The following PCDH11X variants were observed in gnomAD, a reference collection of about 807,000 sequenced individuals.
PCDH11X encodes protocadherin 11 X-linked.
PCDH11X carries 18 observed loss-of-function variants against 53.3 expected under a neutral mutation model. That is an observed-to-expected ratio of 0.34 (90% confidence interval 0.23 to 0.50). PCDH11X has a LOEUF of 0.50. Among genes scored for constraint, PCDH11X ranks in the 20% least tolerant of loss-of-function variants. The pLI is 0.98. For synonymous variants in PCDH11X, 279 were observed against 393.3 expected (o/e 0.71, Z 3.44); for missense variants, 570 against 1,032.4 (o/e 0.55, Z 6.14).
At position 92,130,650 on chromosome X, in the gene PCDH11X, CAAA is replaced by C. The variant is rs34011848; in HGVS notation, c.3034-70708_3034-70706del. On this transcript the variant is annotated intron_variant, in intron 6 of 10. Coordinates refer to ENST00000682573, the MANE Select transcript of PCDH11X (RefSeq NM_032968.5). ...GGGCAACAAGAGTGAAACTCTGTCT[CAAA>C]AAAAAAAAAAAAAAAATCTATTATT... 2.3e-3 allele frequency among the ~76,000 whole-genome samples: 143 copies of C among 63,062 alleles called. 1 individual carries two copies. The highest frequency in any genetic ancestry group is 5.4e-3 in the African/African-American group (107 of 19,812). 54.8% of individuals were successfully genotyped at this position (63,062 alleles called of 115,157 possible). A position where few individuals can be genotyped will look rare whatever the true frequency, so the allele number is the denominator to read the frequency against.
At chrX:92,466,696 T>G (rs372371820) in intron 9 of PCDH11X, among the ~76,000 whole-genome samples, 8 of 110,362 alleles carry the variant, frequency 7.2e-5, no homozygotes, top group East Asian at 2.8e-4. Context: ...AAAATGTGTT[T>G]GTTTTCTTTT....
intron 6 of PCDH11X, among the ~76,000 whole-genome samples, chrX:92,132,944 A>G (rs1330987786): frequency 9.1e-6 from 1 of 110,218 alleles, no homozygotes; most frequent in East Asian, 2.8e-4. Context: ...ATATTTAAAA[A>G]TGCCATCAAG....
At chrX:91,942,646 C>G (rs770362456) in intron 6 of PCDH11X, among the ~76,000 whole-genome samples, 3 of 110,939 alleles carry the variant, frequency 2.7e-5, no homozygotes, top group Admixed American at 1.9e-4. Flanking sequence ...AAATATAACA[C>G]TAATTCCATA....
chrX:92,122,104 T>C (rs1269589445), intron 6 of PCDH11X, among the ~76,000 whole-genome samples: 1 of 108,290 alleles, frequency 9.2e-6, no homozygotes, highest in Non-Finnish European at 1.9e-5. Context: ...TTCCTCAGCT[T>C]CCCGAGTAGC....
intron 6 of PCDH11X, among the ~76,000 whole-genome samples, chrX:92,006,670 A>T (rs989025986): frequency 5.4e-5 from 6 of 110,274 alleles, no homozygotes; most frequent in Non-Finnish European, 1.1e-4. Flanking sequence ...TGATGCTAGT[A>T]GATATTCTTC....
intron 7 of PCDH11X, among the ~76,000 whole-genome samples, chrX:92,236,509 T>C (rs2067174057): frequency 9.0e-6 from 1 of 111,497 alleles, no homozygotes; most frequent in Non-Finnish European, 1.9e-5. Context: ...TCTAAAATTT[T>C]ACCTTACTGC....
At chrX:91,887,003 AAAAT>A (rs1244177420) in intron 6 of PCDH11X, among the ~76,000 whole-genome samples, 1 of 105,175 alleles carries the variant, frequency 9.5e-6, no homozygotes, top group African/African-American at 3.5e-5. Context: ...AAAAGAAAAG[AAAAT>A]ATATATATAC....
At chrX:91,907,370 A>AACACACACACACAC (rs777259208) in intron 6 of PCDH11X, among the ~76,000 whole-genome samples, 6 of 36,148 alleles carry the variant, frequency 1.7e-4, no homozygotes, top group East Asian at 1.5e-3. Flanking sequence ...CACCACCCTC[A>AACACACACACACAC]ACACACACAC....
intron 6 of PCDH11X, among the ~76,000 whole-genome samples, chrX:91,962,035 A>C (rs2147889665): frequency 9.3e-6 from 1 of 107,001 alleles, no homozygotes; most frequent in African/African-American, 3.4e-5. Flanking sequence ...TGGGAGCTAC[A>C]GTTCAAGATG....
At chrX:92,581,114 G>A (rs1923638371) in intron 10 of PCDH11X, among the ~76,000 whole-genome samples, 1 of 111,680 alleles carries the variant, frequency 9.0e-6, no homozygotes, top group African/African-American at 3.3e-5. Flanking sequence ...TTTTGCAATT[G>A]ATAGAATAAA....
rs765686919 is a variant in PCDH11X, at chrX:91,916,091, T to G, written c.3033+36818T>G. On this transcript the variant is annotated intron_variant, in intron 6 of 10. Transcript: ENST00000682573. ...TAAATAATCTGCTCTTGAATTATCTTTGGGTCAACAATGAAATTTAAAAAT... is the reference window on the plus strand; with the variant it reads ...TAAATAATCTGCTCTTGAATTATCTGTGGGTCAACAATGAAATTTAAAAAT... 3.6e-5 allele frequency among the ~76,000 whole-genome samples: 4 copies of G among 110,942 alleles called. No homozygotes were observed. In the East Asian group the frequency reaches 8.5e-4, roughly 24 times the overall value.
intron 5 of PCDH11X, among the ~76,000 whole-genome samples, chrX:91,854,921 A>G (rs927706002): frequency 8.1e-5 from 9 of 111,375 alleles, no homozygotes; most frequent in Non-Finnish European, 1.7e-4. Context: ...GGTAGTTTGC[A>G]ATATTTTCTC....
At chrX:92,117,546 A>T (rs2064666269) in intron 6 of PCDH11X, among the ~76,000 whole-genome samples, 1 of 111,290 alleles carries the variant, frequency 9.0e-6, no homozygotes, top group African/African-American at 3.3e-5. Flanking sequence ...TTTGAGATTC[A>T]CTCTCTTATT....
At chrX:92,173,203 T>C (rs1219590631) in intron 6 of PCDH11X, among the ~76,000 whole-genome samples, 1 of 111,909 alleles carries the variant, frequency 8.9e-6, no homozygotes, top group Admixed American at 9.6e-5. Context: ...AGTTTGATTT[T>C]AGATGACATG....
At chrX:91,919,203 G>T (rs1429620169) in intron 6 of PCDH11X, among the ~76,000 whole-genome samples, 1 of 111,094 alleles carries the variant, frequency 9.0e-6, no homozygotes, top group Non-Finnish European at 1.9e-5. Flanking sequence ...TATAAATAAT[G>T]AGCTGTTCTC....
chrX:92,558,197 T>C (rs1426427148), intron 10 of PCDH11X, among the ~76,000 whole-genome samples: 1 of 109,694 alleles, frequency 9.1e-6, no homozygotes, highest in African/African-American at 3.3e-5. Context: ...GACTCAGTAT[T>C]TGAATATGCA....
chrX:92,464,034 A>G (rs1354346213), intron 9 of PCDH11X, among the ~76,000 whole-genome samples: 1 of 112,071 alleles, frequency 8.9e-6, no homozygotes, highest in Non-Finnish European at 1.9e-5. Flanking sequence ...TAAAGGCAAC[A>G]TTATGACTTT....
Position 92,263,097 on chromosome X carries a change from A to G in PCDH11X, c.3115-17A>G. 8.5e-7 allele frequency: 1 copy of G among 1,181,115 alleles called. No individual in the cohort carries two copies. The highest frequency in any genetic ancestry group is 1.1e-6 in the Non-Finnish European group (1 of 877,660). On this transcript the variant is annotated splice_polypyrimidine_tract_variant and intron_variant, in intron 7 of 10. Transcript: ENST00000682573. The stretch of plus-strand genomic sequence containing the variant: ...ATTTTCCTTTGCTTCCCTTGCCTCC[A>G]TTTTATCCTAAATCAGCGGAAATCT...
At chrX:92,533,454 G>A (rs1367992251) in intron 10 of PCDH11X, among the ~76,000 whole-genome samples, 1 of 97,317 alleles carries the variant, frequency 1.0e-5, no homozygotes, top group Non-Finnish European at 2.1e-5. Context: ...GTGTGTAGAT[G>A]TGGGAAGGAT....
Sources: gnomAD v4.1 joint callset for allele counts (sites outside exome capture counted in the v4.1 genomes callset) on GRCh38, gnomAD v4.1.1 for gene constraint, MANE v1.5 for transcripts, NCBI Gene and HGNC (gene_info 2026-07-23, HGNC 2026-07-21) for gene names.